Variants in PCDHGA3 observed in about 807,000 individuals in gnomAD.
PCDHGA3 encodes protocadherin gamma-A3.
In PCDHGA3, 40 loss-of-function variants were observed where a neutral mutation model predicts 58.5. That is an observed-to-expected ratio of 0.68 (90% CI 0.53 to 0.89). The LOEUF is 0.89. Ranked by LOEUF, PCDHGA3 falls within the 40% of genes least tolerant of loss-of-function variation. The pLI is 0.00. For missense variants in PCDHGA3, 1,223 were observed against 1,195.9 expected (o/e 1.02, Z -0.33); for synonymous variants, 530 against 525.7 (o/e 1.01, Z -0.11).
chr5:141,474,837 C>T (rs1250443544), intron 1 of PCDHGA3, among the ~76,000 whole-genome samples: 2 of 152,214 alleles, frequency 1.3e-5, no homozygotes, highest in Admixed American at 6.5e-5. Flanking sequence ...CTGTGCCAGG[C>T]ACTTTACCTG....
In PCDHGA3 at chr5:141,491,867, T is replaced by A. The variant is rs1424221139; in HGVS notation, c.2425-2940T>A. On this transcript the variant is annotated intron_variant, in intron 1 of 3. Transcript: ENST00000253812. The surrounding 1 kb of genome is among the most constrained non-coding windows in gnomAD (Gnocchi z 6.9). ...TTGGACCGTTTGCGCGAAACCAGAG[T>A]GGCCGATTAAGGGATGGGGCTCCGA... 6.9e-7 allele frequency: 1 copy of A among 1,452,218 alleles called. No homozygotes were observed. The highest frequency in any genetic ancestry group is 9.1e-7 in the Non-Finnish European group (1 of 1,099,056). The allele number at this position is 1,452,218 out of a possible 1,614,324, so 90.0% of individuals were successfully genotyped here. A position where few individuals can be genotyped will look rare whatever the true frequency, so the allele number is the denominator to read the frequency against.
At chr5:141,398,568 G>A (rs761294182) in intron 1 of PCDHGA3, 5 of 1,614,014 alleles carry the variant, frequency 3.1e-6, no homozygotes, top group African/African-American at 1.3e-5. Flanking sequence ...AGTCTGCACA[G>A]CCTGGCACAA....
At chr5:141,503,332 C>T (rs536647792) in intron 2 of PCDHGA3, among the ~76,000 whole-genome samples, 5 of 152,074 alleles carry the variant, frequency 3.3e-5, no homozygotes, top group Admixed American at 6.5e-5. Context: ...CGCGGTGGCT[C>T]ACGCCTGTAA....
rs2099624499 is a variant in PCDHGA3, at chr5:141,486,100, C to A, written c.2425-8707C>A. The A allele has an allele frequency of 6.2e-7, 1 of 1,614,072 alleles. No homozygotes were observed. The highest frequency in any genetic ancestry group is 1.3e-5 in the African/African-American group (1 of 74,930). ...AGCTTACTCTTTTGGGGCCCCTAGA[C>A]TTTGAGAGTGAGAATTACTATGAAT... On this transcript the variant is annotated intron_variant, in intron 1 of 3. Coordinates refer to ENST00000253812, the MANE Select transcript of PCDHGA3 (RefSeq NM_018916.4). This position sits in a 1 kb window ranked among gnomAD's most constrained non-coding sequence, Gnocchi z 5.0.
chr5:141,478,911 T>TA, intron 1 of PCDHGA3: 1 of 871,162 alleles, frequency 1.1e-6, no homozygotes, highest in Non-Finnish European at 1.7e-6. Flanking sequence ...AGCTGCTGGA[T>TA]ACCTCTAACC....
rs1369527105 is a variant in PCDHGA3 at position 141,344,056 on chromosome 5, G to T, written c.23G>T (p.Arg8Leu). The T allele has an allele frequency of 1.3e-6, 2 of 1,559,122 alleles. No homozygotes were observed. Among genetic ancestry groups the T allele is most frequent in the East Asian group, 4.6e-5 (2 of 43,764 alleles). ...GAAATGACCAATTGCCTGAGTTTCC[G>T]AAATGGCAGAGGACTGGCCCTGCTG... MTNCLSF[R>L]NGRGLALLCA... is the part of the protein sequence containing the mutation. Residue 8 changes from arginine to leucine, a missense_variant, in exon 1 of 4, where the codon CGA becomes CTA. Physicochemically the swap from Arg to Leu is moderately radical, Grantham distance 102. Transcript: ENST00000253812.
Position 141,352,545 on chromosome 5 carries a change from A to G in PCDHGA3, c.2424+6088A>G, listed in dbSNP as rs757217800. 16 of 1,613,950 alleles carry G rather than the reference A, an allele frequency of 9.9e-6. No homozygotes were observed. Among genetic ancestry groups the G allele is most frequent in the Non-Finnish European group, 1.4e-5 (16 of 1,179,878 alleles). ...TCTCATTCTGCAAAGACAGAGTTTA[A>G]TTCTCTCAACCTGACACCGGAAATG... On this transcript the variant is annotated intron_variant, in intron 1 of 3. Transcript: ENST00000253812.
At chr5:141,420,062 T>G (rs759817545) in intron 1 of PCDHGA3, 1 of 1,614,066 alleles carries the variant, frequency 6.2e-7, no homozygotes, top group Non-Finnish European at 8.5e-7. Context: ...CTGCTCCAAG[T>G]CCGGACCTGT....
chr5:141,358,757 T>C (rs1761012774), intron 1 of PCDHGA3, among the ~76,000 whole-genome samples: 1 of 152,252 alleles, frequency 6.6e-6, no homozygotes, highest in Non-Finnish European at 1.5e-5. Flanking sequence ...CTTGTCATCA[T>C]GTGAGCCTCT....
chr5:141,445,272 T>C (rs1057201147), intron 1 of PCDHGA3, among the ~76,000 whole-genome samples: 1 of 152,236 alleles, frequency 6.6e-6, no homozygotes, highest in Non-Finnish European at 1.5e-5. Flanking sequence ...TCGAAACCAC[T>C]CTGCATAAGT....
rs779390477 is a variant in PCDHGA3 at position 141,419,000 on chromosome 5, G to A, written c.2424+72543G>A. ...GGACCAAGACTCAGGGGAAAATGGG[G>A]AAGTCAGGTGTAGCTTAAGTAGAGG... On this transcript the variant is annotated intron_variant, in intron 1 of 3. Transcript: ENST00000253812. 3.1e-6 allele frequency: 5 copies of A among 1,613,962 alleles called. 1 individual carries two copies. In the South Asian group the frequency reaches 4.4e-5, roughly 14 times the overall value.
At chr5:141,475,957 G>A (rs776101269) in intron 1 of PCDHGA3, 148 of 812,416 alleles carry the variant, frequency 1.8e-4, no homozygotes, top group Non-Finnish European at 2.6e-4. Flanking sequence ...CTGCGCCCCG[G>A]GATGAGGCAG....
chr5:141,441,230 ATTTAAATCACAAGATC>A (rs1009424536), intron 1 of PCDHGA3: 1 of 152,196 alleles, frequency 6.6e-6, no homozygotes, highest in African/African-American at 2.4e-5. Context: ...ACTGTCCAGG[ATTTAAATCACAAGATC>A]TTTAAATCAC....
Position 141,415,348 on chromosome 5 carries a change from A to G in PCDHGA3, c.2424+68891A>G, listed in dbSNP as rs561851810. ...GGCGCACAGGCTGCGGCGCTGGCAC[A>G]AGTCACGCCTGCTGCAGGCTTCAGG... On this transcript the variant is annotated intron_variant, in intron 1 of 3. Transcript: ENST00000253812. The G allele has an allele frequency of 3.1e-6, 5 of 1,614,222 alleles. 1 individual carries two copies. The highest frequency in any genetic ancestry group is 1.6e-4 in the Middle Eastern group (1 of 6,062).
intron 2 of PCDHGA3, among the ~76,000 whole-genome samples, chr5:141,501,306 C>T (rs1016823458): frequency 5.3e-5 from 8 of 151,412 alleles, no homozygotes; most frequent in Non-Finnish European, 8.8e-5. Context: ...CACACACACA[C>T]ACACACACAC....
rs549842756 is a variant in PCDHGA3 at position 141,470,331 on chromosome 5, A to T, written c.2425-24476A>T. ...TTTCCTCAAATGATCCCATAATTTG[A>T]CCTTAGGAAGCTGTTCAAATAGACA... is the stretch of plus-strand genomic sequence containing the variant. On this transcript the variant is annotated intron_variant, in intron 1 of 3. Transcript: ENST00000253812. 3.3e-4 allele frequency among the ~76,000 whole-genome samples: 50 copies of T among 152,244 alleles called. 1 individual carries two copies. Among genetic ancestry groups the T allele is most frequent in the African/African-American group, 1.1e-3 (47 of 41,536 alleles).
At position 141,490,551 on chromosome 5, in the gene PCDHGA3, T is replaced by C; in HGVS notation, c.2425-4256T>C. On this transcript the variant is annotated intron_variant, in intron 1 of 3. Coordinates refer to ENST00000253812, the MANE Select transcript of PCDHGA3 (RefSeq NM_018916.4). The surrounding 1 kb of genome is among the most constrained non-coding windows in gnomAD (Gnocchi z 5.4). ...CTGGTTCACCTTCCCTACACAAACA[T>C]CTCACCATCAGGCTCAACATTTCAG... 1 of 1,614,088 alleles carries C rather than the reference T, an allele frequency of 6.2e-7. No individual in the cohort carries two copies. The highest frequency in any genetic ancestry group is 1.1e-5 in the South Asian group (1 of 91,086).
At chr5:141,350,149 C>A in intron 1 of PCDHGA3, 1 of 929,394 alleles carries the variant, frequency 1.1e-6, no homozygotes, top group Non-Finnish European at 1.5e-6. Context: ...TCCTGTTCAC[C>A]CTCGAGCGCC....
chr5:141,424,169 A>G (rs542346399), intron 1 of PCDHGA3: 20 of 225,850 alleles, frequency 8.9e-5, no homozygotes, highest in Middle Eastern at 2.3e-3. Context: ...TCATCTATCT[A>G]TCTATACACA....
Sources: allele counts gnomAD v4.1 joint callset (sites outside exome capture counted in the v4.1 genomes callset), GRCh38; gene constraint gnomAD v4.1.1; non-coding constraint Gnocchi (gnomAD v3.1); transcripts MANE v1.5; gene names NCBI Gene and HGNC (gene_info 2026-07-23, HGNC 2026-07-21).